The following ZNF469 variants were observed in gnomAD, a reference collection of about 807,000 sequenced individuals.
The protein encoded by ZNF469 is zinc finger protein 469.
ZNF469 carries 1 observed loss-of-function variant against 1.0 expected under a neutral mutation model. The observed-to-expected ratio is 1.00, with a 90% confidence interval of 0.35 to 4.73. The LOEUF (loss-of-function observed/expected upper bound fraction) is 4.73, where lower values mean the gene tolerates loss of function less well. Ranked by LOEUF, ZNF469 falls within the 30% of genes most tolerant of loss-of-function variation. The probability of loss-of-function intolerance (pLI) is 0.16; values close to 1 mark genes in which losing one functional copy is unlikely to be tolerated. For synonymous variants in ZNF469, 2,703 were observed against 2,363.4 expected (o/e 1.14, Z -4.17); for missense variants, 6,100 against 5,356.3 (o/e 1.14, Z -4.33).
At chr16:88,329,858 G>A in the ZNF469 span, among the ~76,000 whole-genome samples, 1 of 152,236 alleles carries the variant, frequency 6.6e-6, no homozygotes, top group African/African-American at 2.4e-5. Flanking sequence ...CACCAGAGCA[G>A]AGATGGCCTC....
chr16:88,333,501 G>A, the ZNF469 span, among the ~76,000 whole-genome samples: 13 of 142,086 alleles, frequency 9.1e-5, no homozygotes, highest in Admixed American at 7.7e-4. Flanking sequence ...GAGAAGGCTC[G>A]GACTTGCTGA....
At chr16:88,196,067 A>G in the ZNF469 span, among the ~76,000 whole-genome samples, 1 of 152,206 alleles carries the variant, frequency 6.6e-6, no homozygotes, top group Admixed American at 6.5e-5. Context: ...GCTCTGACTT[A>G]TCCATCTGCA....
the ZNF469 span, among the ~76,000 whole-genome samples, chr16:88,140,638 AT>A: frequency 6.6e-6 from 1 of 152,208 alleles, no homozygotes; most frequent in Non-Finnish European, 1.5e-5. Context: ...AGGTAAGTGG[AT>A]TTTAAATTGA....
chr16:88,206,094 C>T, the ZNF469 span, among the ~76,000 whole-genome samples: 6 of 152,168 alleles, frequency 3.9e-5, no homozygotes, highest in Non-Finnish European at 8.8e-5. Flanking sequence ...GCTGACCCCC[C>T]GTGTTTTCCA....
chr16:88,416,213 G>A (rs1040044973), intron 1 of ZNF469, among the ~76,000 whole-genome samples: 12 of 152,166 alleles, frequency 7.9e-5, no homozygotes, highest in Admixed American at 1.3e-4. Context: ...AGGCCTCATC[G>A]GTCCCGGTTT....
At chr16:88,265,325 C>T in the ZNF469 span, among the ~76,000 whole-genome samples, 18 of 152,280 alleles carry the variant, frequency 1.2e-4, no homozygotes, top group Middle Eastern at 3.4e-3. Flanking sequence ...CTTCCTGGGA[C>T]CCCTCAGGAG....
At position 88,430,518 on chromosome 16, in the gene ZNF469, C is replaced by T. The variant is rs1168063698; in HGVS notation, c.3048C>T (p.Ala1016=). The T allele has an allele frequency of 5.6e-6, 8 of 1,432,598 alleles. No homozygotes were observed. The African/African-American group carries it at 9.0e-5, about 16-fold the overall frequency. The allele number at this position is 1,432,598 out of a possible 1,614,324, so 88.7% of individuals were successfully genotyped here. ...CCGCGCCCCGGGTCCCGAGAGCCGC[C>T]GCCCTCCCCGAGGAGACCCGCAGCT... ...ADPAPRVPRA[A]ALPEETRSSR... The change falls in exon 3 of 3, where the codon GCC becomes GCT. Residue 1016 remains alanine, a synonymous_variant. Transcript: ENST00000565624.
rs1307591237 is a variant in ZNF469, at chr16:88,435,127, C to T, written c.7657C>T (p.Pro2553Ser). 9 of 1,550,288 alleles carry T rather than the reference C, an allele frequency of 5.8e-6. No homozygotes were observed. Among genetic ancestry groups the T allele is most frequent in the Non-Finnish European group, 7.8e-6 (9 of 1,146,992 alleles). Residue 2553 changes from proline (P) to serine (S), a missense_variant, in exon 3 of 3, where the codon CCG becomes TCG. Physicochemically the swap from Pro to Ser is moderately conservative, Grantham distance 74. Coordinates refer to ENST00000565624, the MANE Select transcript of ZNF469 (RefSeq NM_001367624.2). ...AGACCCCAGCCACGTCACCCAGCCA[C>T]CGCCTGCCCAGGGCTCAAAGGAGGT... ...RGDPSHVTQP[P>S]PAQGSKEVLR...
chr16:88,346,192 C>T, the ZNF469 span, among the ~76,000 whole-genome samples: 1 of 152,200 alleles, frequency 6.6e-6, no homozygotes, highest in African/African-American at 2.4e-5. Flanking sequence ...ATCCCAGGCC[C>T]GATTCTCCAG....
the ZNF469 span, among the ~76,000 whole-genome samples, chr16:88,198,346 C>T: frequency 6.6e-6 from 1 of 152,184 alleles, no homozygotes; most frequent in Non-Finnish European, 1.5e-5. Flanking sequence ...ACGTGGGAAG[C>T]CCGGCAGACC....
Position 88,438,766 on chromosome 16 carries a change from G to C in ZNF469, c.11296G>C (p.Ala3766Pro), listed in dbSNP as rs771295092. The change falls in exon 3 of 3, where the codon GCC becomes CCC. Residue 3766 changes from alanine to proline, a missense_variant. Ala to Pro is a conservative substitution (Grantham distance 27). Transcript: ENST00000565624. ...CCAGAGCGAGACAGCCACCACCCCA[G>C]CCAAGCCCAGCTTCCCCAGCCGGAG... ...QLQSETATTPAKPSFPSRSPA... is the reference protein window; with the variant it reads ...QLQSETATTPPKPSFPSRSPA... 5.8e-6 allele frequency: 9 copies of C among 1,550,058 alleles called. No individual in the cohort carries two copies. The South Asian group carries it at 8.3e-5, about 14-fold the overall frequency.
At chr16:88,405,619 T>C (rs1905006919) in intron 1 of ZNF469, among the ~76,000 whole-genome samples, 1 of 151,872 alleles carries the variant, frequency 6.6e-6, no homozygotes, top group African/African-American at 2.4e-5. Flanking sequence ...ACCAATGAGA[T>C]TTCACCAAAC....
chr16:88,435,044 C>T lies in ZNF469; in HGVS notation c.7574C>T (p.Pro2525Leu), dbSNP rs756003807. The change falls in exon 3 of 3, where the codon CCG becomes CTG. Residue 2525 changes from proline to leucine, a missense_variant. Coordinates refer to ENST00000565624, the MANE Select transcript of ZNF469 (RefSeq NM_001367624.2). Reference protein sequence around the residue: ...PLEPLAQKCQPPRKKSHRVSG... With the variant: ...PLEPLAQKCQLPRKKSHRVSG... Reference sequence around the variant, plus strand: ...GAGCCCCTAGCCCAAAAGTGCCAGCCGCCCAGGAAGAAAAGCCACAGGGTG... The same window carrying T: ...GAGCCCCTAGCCCAAAAGTGCCAGCTGCCCAGGAAGAAAAGCCACAGGGTG... The T allele has an allele frequency of 2.6e-5, 41 of 1,550,276 alleles. No homozygotes were observed. Among genetic ancestry groups the T allele is most frequent in the Middle Eastern group, 1.7e-4 (1 of 6,014 alleles).
chr16:88,199,239 G>C, the ZNF469 span, among the ~76,000 whole-genome samples: 1 of 152,248 alleles, frequency 6.6e-6, no homozygotes, highest in African/African-American at 2.4e-5. Context: ...TGGGTCCCCA[G>C]AGGTCTGCCC....
In ZNF469 at chr16:88,434,615, C is replaced by T. The variant is rs1332638289; in HGVS notation, c.7145C>T (p.Thr2382Ile). ...TSSKEPEDPG[T>I]PETGRSGATK... ...AGCAAGGAGCCGGAGGACCCAGGGACCCCTGAGACCGGGCGCTCTGGTGCT... is the reference window on the plus strand; with the variant it reads ...AGCAAGGAGCCGGAGGACCCAGGGATCCCTGAGACCGGGCGCTCTGGTGCT... The change falls in exon 3 of 3, where the codon ACC becomes ATC. Residue 2382 changes from threonine to isoleucine, a missense_variant. Transcript: ENST00000565624. 6 of 1,550,300 alleles carry T rather than the reference C, an allele frequency of 3.9e-6. No homozygotes were observed. The highest frequency in any genetic ancestry group is 2.4e-5 in the East Asian group (1 of 40,912).
chr16:88,347,409 C>T, the ZNF469 span, among the ~76,000 whole-genome samples: 5 of 152,228 alleles, frequency 3.3e-5, no homozygotes, highest in East Asian at 1.9e-4. Context: ...CACTGAGCCG[C>T]GGGCACACCC....
At chr16:88,115,860 G>A in the ZNF469 span, among the ~76,000 whole-genome samples, 15 of 152,284 alleles carry the variant, frequency 9.9e-5, no homozygotes, top group African/African-American at 3.6e-4. Flanking sequence ...GGTATTCCTG[G>A]GCTTGTGGCC....
At chr16:88,103,931 C>T in the ZNF469 span, among the ~76,000 whole-genome samples, 2 of 151,892 alleles carry the variant, frequency 1.3e-5, no homozygotes, top group African/African-American at 2.4e-5. Context: ...TGGAATAATC[C>T]TCCGTGGCAC....
At chr16:88,358,389 T>C in the ZNF469 span, among the ~76,000 whole-genome samples, 1 of 152,164 alleles carries the variant, frequency 6.6e-6, no homozygotes, top group Admixed American at 6.5e-5. Flanking sequence ...CTGGGTGCAT[T>C]TCCTGTATTG....
Sources: gnomAD v4.1 joint callset for allele counts (sites outside exome capture counted in the v4.1 genomes callset) on GRCh38, gnomAD v4.1.1 for gene constraint, MANE v1.5 for transcripts, NCBI Gene and HGNC (gene_info 2026-07-23, HGNC 2026-07-21) for gene names.